Variants in RAB11FIP4 observed in about 807,000 individuals in gnomAD.
The protein encoded by RAB11FIP4 is RAB11 family interacting protein 4.
RAB11FIP4 carries 23 observed loss-of-function variants against 74.3 expected under a neutral mutation model. The observed-to-expected ratio is 0.31, with a 90% CI of 0.22 to 0.44. The LOEUF is 0.44. Among genes scored for constraint, RAB11FIP4 ranks in the 20% least tolerant of loss-of-function variants. The probability of loss-of-function intolerance (pLI) is 1.00; values close to 1 mark genes in which losing one functional copy is unlikely to be tolerated. For missense variants in RAB11FIP4, 630 were observed against 863.9 expected, an observed-to-expected ratio of 0.73 and a Z score of 3.39; for synonymous variants, 360 against 359.9, an observed-to-expected ratio of 1.00 and a Z score of 0.00.
intron 3 of RAB11FIP4, among the ~76,000 whole-genome samples, chr17:31,462,830 T>A (rs539924061): frequency 6.6e-6 from 1 of 152,088 alleles, no homozygotes; most frequent in Non-Finnish European, 1.5e-5. Context: ...GAGACGGAGT[T>A]TCGCCATGTT....
intron 3 of RAB11FIP4, among the ~76,000 whole-genome samples, chr17:31,496,161 C>T (rs1463050163): frequency 6.6e-6 from 1 of 152,190 alleles, no homozygotes; most frequent in East Asian, 1.9e-4. Context: ...GGTGGAGCCA[C>T]CTTGTAGTGG....
chr17:31,427,007 G>A (rs936850804), intron 1 of RAB11FIP4, among the ~76,000 whole-genome samples: 1 of 151,966 alleles, frequency 6.6e-6, no homozygotes, highest in African/African-American at 2.4e-5. Flanking sequence ...CACCCAGGCT[G>A]GAGTGCAGTG....
intron 3 of RAB11FIP4, among the ~76,000 whole-genome samples, chr17:31,440,336 C>T (rs143483775): frequency 2.0e-4 from 31 of 152,270 alleles, no homozygotes; most frequent in South Asian, 6.2e-4. Flanking sequence ...ACCTTATATA[C>T]GTAGGTCTCT....
intron 5 of RAB11FIP4, 113 bp from the exon 6 acceptor site, chr17:31,521,802 C>T (rs566937021): frequency 5.6e-5 from 69 of 1,236,380 alleles, no homozygotes; most frequent in Non-Finnish European, 6.5e-5. Flanking sequence ...GCCCCTCCCC[C>T]GTAACAAGGT....
intron 3 of RAB11FIP4, among the ~76,000 whole-genome samples, chr17:31,500,100 C>A (rs9914037): frequency 0.29 from 43,628 of 152,016 alleles, 7,797 homozygotes; most frequent in East Asian, 0.5. Flanking sequence ...AATGGGCTTA[C>A]TGGGGCACTC....
chr17:31,442,963 A>T (rs2142688658), intron 3 of RAB11FIP4, among the ~76,000 whole-genome samples: 1 of 151,726 alleles, frequency 6.6e-6, no homozygotes, highest in East Asian at 1.9e-4. Context: ...CTGTCTCAAA[A>T]AAAAAAAAAA....
In RAB11FIP4 at chr17:31,447,714, G is replaced by A. The variant is rs150762827; in HGVS notation, c.336+13592G>A. Among the ~76,000 whole-genome samples, 5 of 152,086 alleles carry A rather than the reference G, an allele frequency of 3.3e-5. No homozygotes were observed. In the South Asian group the frequency reaches 8.3e-4, roughly 25 times the overall value. ...ATTTTTGTATTTTTAATAGAGACGG[G>A]GTTTCACCATGTTGGCCAGGCTGGT... On this transcript the variant is annotated intron_variant, in intron 3 of 14. Transcript: ENST00000621161.
At chr17:31,493,960 G>A (rs1357868922) in intron 3 of RAB11FIP4, among the ~76,000 whole-genome samples, 2 of 152,116 alleles carry the variant, frequency 1.3e-5, no homozygotes, top group South Asian at 4.1e-4. Context: ...TTCAGATGGG[G>A]CATCCTGTTC....
intron 1 of RAB11FIP4, among the ~76,000 whole-genome samples, chr17:31,394,972 ACT>A (rs1597893174): frequency 6.7e-6 from 1 of 150,002 alleles, no homozygotes; most frequent in East Asian, 2.0e-4. Context: ...AATGCAGTGT[ACT>A]CTGACTGTTT....
At chr17:31,467,407 C>G (rs533437291) in intron 3 of RAB11FIP4, among the ~76,000 whole-genome samples, 6 of 152,182 alleles carry the variant, frequency 3.9e-5, no homozygotes, top group Non-Finnish European at 7.3e-5. Flanking sequence ...GCGTGAGCCA[C>G]GGTGCCTAGC....
intron 3 of RAB11FIP4, among the ~76,000 whole-genome samples, chr17:31,453,071 C>G (rs1163225784): frequency 6.6e-6 from 1 of 152,102 alleles, no homozygotes; most frequent in African/African-American, 2.4e-5. Context: ...TGGGGAGAGG[C>G]TGGGCACGGT....
At chr17:31,447,664 ACACGC>A (rs2071480353) in intron 3 of RAB11FIP4, among the ~76,000 whole-genome samples, 1 of 151,994 alleles carries the variant, frequency 6.6e-6, no homozygotes, top group Non-Finnish European at 1.5e-5. Context: ...CTGGGATTAC[ACACGC>A]GCACCCCCAT....
intron 10 of RAB11FIP4, chr17:31,527,618 A>T: frequency 2.4e-6 from 1 of 421,446 alleles, no homozygotes; most frequent in Non-Finnish European, 3.9e-6. Context: ...GAAAATAAGA[A>T]TGATAATTTA....
intron 1 of RAB11FIP4, chr17:31,431,605 T>G: frequency 1.9e-6 from 1 of 519,334 alleles, no homozygotes. Flanking sequence ...GAGGAGCCGG[T>G]GTTGGCTCTG....
At chr17:31,486,488 G>A (rs140842218) in intron 3 of RAB11FIP4, among the ~76,000 whole-genome samples, 7 of 152,266 alleles carry the variant, frequency 4.6e-5, no homozygotes, top group African/African-American at 1.7e-4. Context: ...TGTTGTCCAA[G>A]CTGGCCTCAA....
At chr17:31,411,485 G>GT (rs2071095277) in intron 1 of RAB11FIP4, among the ~76,000 whole-genome samples, 1 of 152,224 alleles carries the variant, frequency 6.6e-6, no homozygotes, top group South Asian at 2.1e-4. Flanking sequence ...AGTGAGGCCA[G>GT]TAACTTCCCT....
chr17:31,419,782 T>C (rs1309907522), intron 1 of RAB11FIP4, among the ~76,000 whole-genome samples: 1 of 152,022 alleles, frequency 6.6e-6, no homozygotes, highest in African/African-American at 2.4e-5. Context: ...GATCTCCTGA[T>C]CTCATGATCC....
chr17:31,488,984 A>C (rs2071955558), intron 3 of RAB11FIP4, among the ~76,000 whole-genome samples: 1 of 152,180 alleles, frequency 6.6e-6, no homozygotes, highest in South Asian at 2.1e-4. Context: ...TCGCCCATGC[A>C]AACTCTCCAG....
At chr17:31,460,862 C>G (rs1353604645) in intron 3 of RAB11FIP4, among the ~76,000 whole-genome samples, 1 of 152,138 alleles carries the variant, frequency 6.6e-6, no homozygotes, top group Non-Finnish European at 1.5e-5. Flanking sequence ...TCCTGAGTAG[C>G]TAGGACTGCA....
Sources: gnomAD v4.1 joint callset for allele counts (sites outside exome capture counted in the v4.1 genomes callset) on GRCh38, gnomAD v4.1.1 for gene constraint, MANE v1.5 for transcripts, NCBI Gene and HGNC (gene_info 2026-07-23, HGNC 2026-07-21) for gene names.